Variants in KIFAP3 observed in about 807,000 individuals in gnomAD.
KIFAP3 encodes kinesin-associated protein 3.
KIFAP3 carries 68 observed loss-of-function variants against 106.5 expected under a neutral mutation model. The observed-to-expected ratio is 0.64, with a 90% CI of 0.53 to 0.78. The LOEUF (loss-of-function observed/expected upper bound fraction) is 0.78, where lower values mean the gene tolerates loss of function less well. Among genes scored for constraint, KIFAP3 ranks in the 30% least tolerant of loss-of-function variants. KIFAP3 has a pLI of 0.00. For missense variants in KIFAP3, 780 were observed against 941.8 expected (o/e 0.83, Z 2.25); for synonymous variants, 320 against 311.5 (o/e 1.03, Z -0.29).
intron 16 of KIFAP3, among the ~76,000 whole-genome samples, chr1:169,976,358 G>A (rs540083660): frequency 6.6e-6 from 1 of 152,096 alleles, no homozygotes; most frequent in Non-Finnish European, 1.5e-5. Context: ...AAGGTTCCAA[G>A]AAGACTCTGT....
At chr1:169,948,327 C>T (rs1349982043) in intron 19 of KIFAP3, among the ~76,000 whole-genome samples, 2 of 151,686 alleles carry the variant, frequency 1.3e-5, no homozygotes, top group Non-Finnish European at 3.0e-5. Flanking sequence ...AGAAAAATGG[C>T]TAAGTCAGTT....
chr1:169,924,863 G>T (rs1186178986), intron 19 of KIFAP3, among the ~76,000 whole-genome samples: 4 of 152,160 alleles, frequency 2.6e-5, no homozygotes, highest in Non-Finnish European at 5.9e-5. Context: ...AGGCAACGTT[G>T]CAGGAAAAAT....
At chr1:169,932,878 T>A (rs985886057) in intron 19 of KIFAP3, among the ~76,000 whole-genome samples, 1 of 151,996 alleles carries the variant, frequency 6.6e-6, no homozygotes, top group African/African-American at 2.4e-5. Context: ...ATGCTTAATA[T>A]AAAATCTCCT....
intron 8 of KIFAP3, among the ~76,000 whole-genome samples, chr1:170,030,538 C>A (rs1669347113): frequency 6.6e-6 from 1 of 151,758 alleles, no homozygotes; most frequent in Admixed American, 6.6e-5. Flanking sequence ...ATGTTCACAG[C>A]AGCATTAAAA....
At chr1:170,047,978 A>G (rs1198627583) in intron 2 of KIFAP3, among the ~76,000 whole-genome samples, 2 of 152,244 alleles carry the variant, frequency 1.3e-5, no homozygotes, top group African/African-American at 4.8e-5. Context: ...GCCACTGTGT[A>G]GAATTATTTT....
At chr1:169,992,330 C>A in intron 10 of KIFAP3, 75 bp from the exon 11 acceptor site, 1 of 593,380 alleles carries the variant, frequency 1.7e-6, no homozygotes, top group Non-Finnish European at 2.7e-6. Context: ...TAATGTACTA[C>A]AACTTAAACT....
chr1:169,934,807 C>G (rs1385471290), intron 19 of KIFAP3, among the ~76,000 whole-genome samples: 1 of 152,052 alleles, frequency 6.6e-6, no homozygotes, highest in African/African-American at 2.4e-5. Flanking sequence ...TATGCAGGAA[C>G]AGGGACAAAT....
intron 2 of KIFAP3, among the ~76,000 whole-genome samples, chr1:170,049,819 CAAAA>C (rs1553203433): frequency 1.3e-5 from 2 of 150,552 alleles, no homozygotes; most frequent in African/African-American, 4.9e-5. Context: ...CACCCCCCCC[CAAAA>C]AAAACCCATA....
chr1:170,012,744 C>T (rs140854663), intron 10 of KIFAP3, among the ~76,000 whole-genome samples: 1,966 of 151,760 alleles, frequency 0.013, 23 homozygotes, highest in Non-Finnish European at 0.018. Context: ...ATACCCAAGA[C>T]GGGGTAATTT....
intron 18 of KIFAP3, 58 bp downstream of exon 18, chr1:169,960,988 G>T (rs768373339): frequency 1.5e-6 from 2 of 1,376,704 alleles, no homozygotes; most frequent in South Asian, 1.4e-5. Flanking sequence ...AAGGCTGGCC[G>T]ACTAAAATCT....
At chr1:169,922,033 G>T (rs1414405331) in intron 19 of KIFAP3, among the ~76,000 whole-genome samples, 1 of 152,034 alleles carries the variant, frequency 6.6e-6, no homozygotes, top group Non-Finnish European at 1.5e-5. Flanking sequence ...CAAAGTGGAA[G>T]AATCAAATCA....
intron 17 of KIFAP3, among the ~76,000 whole-genome samples, chr1:169,967,371 C>A (rs1003779057): frequency 1.1e-4 from 16 of 151,732 alleles, no homozygotes; most frequent in Non-Finnish European, 2.1e-4. Context: ...TCCTATGGAC[C>A]ATCATTCGGG....
chr1:169,999,848 T>C (rs193228052), intron 10 of KIFAP3, among the ~76,000 whole-genome samples: 12 of 152,302 alleles, frequency 7.9e-5, no homozygotes, highest in African/African-American at 2.6e-4. Flanking sequence ...GTGGGAATTA[T>C]TGCACTTATA....
intron 19 of KIFAP3, among the ~76,000 whole-genome samples, chr1:169,940,188 G>C (rs936933083): frequency 7.9e-5 from 12 of 152,190 alleles, no homozygotes; most frequent in Non-Finnish European, 1.6e-4. Flanking sequence ...TATTGATTGA[G>C]TGGTGGCAAG....
chr1:169,979,718 T>C (rs1487434769), intron 15 of KIFAP3, among the ~76,000 whole-genome samples: 2 of 152,128 alleles, frequency 1.3e-5, no homozygotes, highest in Admixed American at 6.6e-5. Context: ...TGGCATAGTT[T>C]ACTAAGGCCA....
chr1:170,054,397 G>C (rs1250127932), intron 2 of KIFAP3, among the ~76,000 whole-genome samples: 1 of 152,068 alleles, frequency 6.6e-6, no homozygotes, highest in Admixed American at 6.6e-5. Context: ...GGAAGACGGT[G>C]TGGCGATTCC....
chr1:170,081,954 G>T (rs1672026642), intron 1 of KIFAP3, among the ~76,000 whole-genome samples: 1 of 152,202 alleles, frequency 6.6e-6, no homozygotes, highest in South Asian at 2.1e-4. Flanking sequence ...CCAATTGGTG[G>T]TAAGAATGTG....
At chr1:169,945,423 G>GGGCA (rs1162139925) in intron 19 of KIFAP3, among the ~76,000 whole-genome samples, 1 of 152,142 alleles carries the variant, frequency 6.6e-6, no homozygotes, top group African/African-American at 2.4e-5. Context: ...ACTTGGCAGG[G>GGGCA]GGCAGGGCTC....
At chr1:169,968,387 A>C (rs991276003) in intron 17 of KIFAP3, among the ~76,000 whole-genome samples, 1 of 151,946 alleles carries the variant, frequency 6.6e-6, no homozygotes, top group African/African-American at 2.4e-5. Flanking sequence ...ACACTATAGG[A>C]TAACACAGAG....
Sources: gnomAD v4.1 joint callset for allele counts (sites outside exome capture counted in the v4.1 genomes callset) on GRCh38, gnomAD v4.1.1 for gene constraint, MANE v1.5 for transcripts, NCBI Gene and HGNC (gene_info 2026-07-23, HGNC 2026-07-21) for gene names.